COL27A1: variants seen among roughly 807,000 people sequenced by gnomAD.
The protein encoded by COL27A1 is collagen type XXVII alpha 1 chain, also known as collagen alpha-1(XXVII) chain.
Under a neutral mutation model 251.3 loss-of-function variants are expected in COL27A1, and 106 were observed. The observed-to-expected ratio is 0.42, with a 90% CI of 0.36 to 0.50. The LOEUF (loss-of-function observed/expected upper bound fraction) is 0.50. Among genes scored for constraint, COL27A1 ranks in the 20% least tolerant of loss-of-function variants. The probability of loss-of-function intolerance (pLI) is 0.00; values close to 1 mark genes in which losing one functional copy is unlikely to be tolerated. For missense variants in COL27A1, 2,325 were observed against 2,522.8 expected (o/e 0.92, Z 1.68); for synonymous variants, 1,000 against 986.3 (o/e 1.01, Z -0.26).
intron 2 of COL27A1, among the ~76,000 whole-genome samples, chr9:114,163,007 G>C (rs1054822706): frequency 2.0e-5 from 3 of 152,078 alleles, no homozygotes; most frequent in African/African-American, 7.2e-5. Flanking sequence ...AGGCCGAGGT[G>C]GGTGGATCAC....
chr9:114,265,044 T>C, intron 30 of COL27A1, 22 bp from the exon 31 acceptor site: 1 of 1,612,602 alleles, frequency 6.2e-7, no homozygotes. Flanking sequence ...GAGCCTGTAA[T>C]GACCCCCACA....
chr9:114,307,438 A>T, intron 58 of COL27A1: 1 of 523,436 alleles, frequency 1.9e-6, no homozygotes. Context: ...GTAGCAACAT[A>T]GGCAAGTACT....
At chr9:114,225,852 C>T (rs1330268039) in intron 14 of COL27A1, among the ~76,000 whole-genome samples, 2 of 152,308 alleles carry the variant, frequency 1.3e-5, no homozygotes, top group Admixed American at 6.5e-5. Context: ...GACAAACTAA[C>T]ATTTATTGAG....
chr9:114,183,192 C>T (rs1828070241), intron 5 of COL27A1, 117 bp downstream of exon 5: 1 of 995,558 alleles, frequency 1.0e-6, no homozygotes, highest in Non-Finnish European at 1.6e-6. Context: ...GGGATTCCCG[C>T]CTAAGCCAGG....
chr9:114,282,495 C>T lies in COL27A1; in HGVS notation c.3810C>T (p.Gly1270=), dbSNP rs757677417. ...ATCAAGGACAGCTGGGTGAGATGGGCGTCCCTGGAGACCCTGGACCCCCTG... is the reference window on the plus strand; with the variant it reads ...ATCAAGGACAGCTGGGTGAGATGGGTGTCCCTGGAGACCCTGGACCCCCTG... ...KGYQGQLGEM[G]VPGDPGPPGT... Residue 1270 remains glycine (G), a synonymous_variant, in exon 39 of 61, where the codon GGC becomes GGT. Coordinates refer to ENST00000356083, the MANE Select transcript of COL27A1 (RefSeq NM_032888.4). The T allele has an allele frequency of 2.7e-5, 43 of 1,590,740 alleles. No individual in the cohort carries two copies. The highest frequency in any genetic ancestry group is 1.8e-4 in the Admixed American group (10 of 55,356).
At position 114,306,531 on chromosome 9, in the gene COL27A1, T is replaced by C. The variant is rs1829060872; in HGVS notation, c.4950T>C (p.Tyr1650=). 1 of 1,613,988 alleles carries C rather than the reference T, an allele frequency of 6.2e-7. No homozygotes were observed. Among genetic ancestry groups the C allele is most frequent in the Non-Finnish European group, 8.5e-7 (1 of 1,180,014 alleles). The change falls in exon 58 of 61, where the codon TAT becomes TAC. Residue 1650 remains tyrosine, a synonymous_variant. Transcript: ENST00000356083. ...SGALRPESYS[Y]PDRLVLDQGG... ...TCTCCTCGTGACAGAGTTACAGCTA[T>C]CCAGACCGGCTGGTGCTGGACCAGG... is the stretch of plus-strand genomic sequence containing the variant.
intron 36 of COL27A1, among the ~76,000 whole-genome samples, 155 bp from the exon 37 acceptor site, chr9:114,275,505 GC>G (rs1835437138): frequency 6.6e-6 from 1 of 152,254 alleles, no homozygotes; most frequent in African/African-American, 2.4e-5. Flanking sequence ...CCGAGTCACA[GC>G]ACCCTGCCTT....
chr9:114,158,610 A>T lies in COL27A1; in HGVS notation c.62+2598A>T, dbSNP rs536711036. ...CAAGGCCCACAAGACAAGTGGTGAA[A>T]ACAGAAGTCTGGAAGAACAAAGCCC... On this transcript the variant is annotated intron_variant, in intron 1 of 60. Transcript: ENST00000356083. 3.1e-3 allele frequency among the ~76,000 whole-genome samples: 471 copies of T among 152,300 alleles called. 1 individual carries two copies. The highest frequency in any genetic ancestry group is 5.8e-3 in the Non-Finnish European group (393 of 68,022).
chr9:114,196,842 G>A (rs1829172635), intron 7 of COL27A1, among the ~76,000 whole-genome samples: 4 of 152,086 alleles, frequency 2.6e-5, no homozygotes, highest in Admixed American at 2.6e-4. Context: ...TCCAGCCTGT[G>A]TCTCCCTTCC....
chr9:114,275,782 C>A lies in COL27A1; in HGVS notation c.3717+14C>A, dbSNP rs916045242. The stretch of plus-strand genomic sequence containing the variant: ...ACTGGTGTCCGGGTGAGTGTGCAGG[C>A]CCCTTGCAGCGCCTGGAGCTCTGGG... On this transcript the variant is annotated intron_variant, in intron 37 of 60. Coordinates refer to ENST00000356083, the MANE Select transcript of COL27A1 (RefSeq NM_032888.4). 6.7e-6 allele frequency: 10 copies of A among 1,501,830 alleles called. No individual in the cohort carries two copies. The East Asian group carries it at 2.0e-4, about 30-fold the overall frequency. The allele number at this position is 1,501,830 out of a possible 1,614,324, so 93.0% of individuals were successfully genotyped here. A position where few individuals can be genotyped will look rare whatever the true frequency, so the allele number is the denominator to read the frequency against.
At chr9:114,308,499 G>T (rs968600671) in intron 59 of COL27A1, among the ~76,000 whole-genome samples, 5 of 152,204 alleles carry the variant, frequency 3.3e-5, no homozygotes, top group African/African-American at 1.2e-4. Context: ...CCAGGTCTTT[G>T]TTGGGTCCCT....
intron 41 of COL27A1, among the ~76,000 whole-genome samples, chr9:114,287,341 C>A (rs1307143472): frequency 1.3e-5 from 2 of 152,158 alleles, no homozygotes; most frequent in African/African-American, 2.4e-5. Context: ...GGGAGTGACA[C>A]CAGTTTCTGG....
At chr9:114,156,072 G>T (rs1437499406) in intron 1 of COL27A1, 60 bp downstream of exon 1, 11 of 1,292,678 alleles carry the variant, frequency 8.5e-6, no homozygotes, top group African/African-American at 1.5e-5. Flanking sequence ...TCTCGGGGAG[G>T]GCCGGGGTTC....
intron 41 of COL27A1, among the ~76,000 whole-genome samples, chr9:114,286,443 T>C (rs1827495239): frequency 1.3e-5 from 2 of 152,254 alleles, no homozygotes; most frequent in South Asian, 4.2e-4. Context: ...TGCCAGACCC[T>C]GCTTCCCTAA....
chr9:114,290,254 G>A lies in COL27A1; in HGVS notation c.4291G>A (p.Val1431Met), dbSNP rs781067963. 61 of 1,574,876 alleles carry A rather than the reference G, an allele frequency of 3.9e-5. No individual in the cohort carries two copies. Among genetic ancestry groups the A allele is most frequent in the South Asian group, 6.9e-5 (6 of 86,346 alleles). Residue 1431 changes from valine (V) to methionine (M), a missense_variant, in exon 47 of 61, where the codon GTG becomes ATG. By Grantham distance (21) the Val-to-Met change is conservative. Transcript: ENST00000356083. The surrounding 1 kb of genome is among the most constrained non-coding windows in gnomAD (Gnocchi z 4.6). ...GCAGGGGCTGCCAGGGCCCCGGGGC[G>A]TGGTGGGGAGACAGGGCCTCGAGGG... ...GLQGLPGPRG[V>M]VGRQGLEGIA...
rs562109049 is a variant in COL27A1 at position 114,168,595 on chromosome 9, C to T, written c.1040C>T (p.Thr347Met). 86 of 1,614,108 alleles carry T rather than the reference C, an allele frequency of 5.3e-5. No homozygotes were observed. The highest frequency in any genetic ancestry group is 5.2e-4 in the South Asian group (47 of 91,086). ...GCCTCTGTTGGCGGCTCTACCAGAA[C>T]GCCTCGCCCTGCGGCCGCTCAACCA... ...LPASVGGSTR[T>M]PRPAAAQPSQ... The change falls in exon 3 of 61, where the codon ACG becomes ATG. Residue 347 changes from threonine (T) to methionine (M), a missense_variant. Coordinates refer to ENST00000356083, the MANE Select transcript of COL27A1 (RefSeq NM_032888.4).
chr9:114,238,393 G>A (rs996812613), intron 19 of COL27A1, among the ~76,000 whole-genome samples: 1 of 152,134 alleles, frequency 6.6e-6, no homozygotes, highest in Non-Finnish European at 1.5e-5. Flanking sequence ...GGCTGAGCAG[G>A]AGCCAGGGCT....
intron 41 of COL27A1, among the ~76,000 whole-genome samples, chr9:114,287,220 G>T (rs1463274474): frequency 6.6e-6 from 1 of 152,142 alleles, no homozygotes; most frequent in Admixed American, 6.5e-5. Context: ...TCCCACCAGG[G>T]ATGTGTCCCA....
intron 16 of COL27A1, among the ~76,000 whole-genome samples, chr9:114,232,801 A>G (rs557633743): frequency 6.6e-6 from 1 of 152,326 alleles, no homozygotes; most frequent in African/African-American, 2.4e-5. Context: ...GGCCGGGCAC[A>G]GTGGCTCATG....
Sources: allele counts gnomAD v4.1 joint callset (sites outside exome capture counted in the v4.1 genomes callset), GRCh38; gene constraint gnomAD v4.1.1; non-coding constraint Gnocchi (gnomAD v3.1); transcripts MANE v1.5; gene names NCBI Gene and HGNC (gene_info 2026-07-23, HGNC 2026-07-21).